Variants in FRAS1 observed in about 807,000 individuals in gnomAD.
The protein encoded by FRAS1 is extracellular matrix organizing protein FRAS1.
Under a neutral mutation model 435.2 loss-of-function variants are expected in FRAS1, and 290 were observed. That is an observed-to-expected ratio of 0.67 (90% CI 0.61 to 0.73). FRAS1 has a LOEUF of 0.73. Among genes scored for constraint, FRAS1 ranks in the 30% least tolerant of loss-of-function variants. FRAS1 has a pLI of 0.00. For missense variants in FRAS1, 4,860 were observed against 5,001.5 expected, an observed-to-expected ratio of 0.97 and a Z score of 0.85; for synonymous variants, 1,800 against 1,851.0, an observed-to-expected ratio of 0.97 and a Z score of 0.71.
rs1252881831 is a variant in FRAS1 at position 78,515,792 on chromosome 4, C to T, written c.10175-7C>T. On this transcript the variant is annotated splice_polypyrimidine_tract_variant and splice_region_variant and intron_variant, in intron 65 of 73. Coordinates refer to ENST00000512123, the MANE Select transcript of FRAS1 (RefSeq NM_025074.7). ...GTTATCGTTCCTTGTTCTTCCCTCC[C>T]TGGCAGAGGCAGGGTTCCTGGATGA... 1 of 1,613,092 alleles carries T rather than the reference C, an allele frequency of 6.2e-7. No homozygotes were observed. Among genetic ancestry groups the T allele is most frequent in the Non-Finnish European group, 8.5e-7 (1 of 1,179,606 alleles).
At chr4:78,119,319 A>G (rs1718879097) in intron 2 of FRAS1, among the ~76,000 whole-genome samples, 1 of 151,986 alleles carries the variant, frequency 6.6e-6, no homozygotes, top group Admixed American at 6.5e-5. Context: ...CCTTTAACAA[A>G]TCTCTCCCTA....
At chr4:78,210,112 C>T (rs1560582264) in intron 2 of FRAS1, among the ~76,000 whole-genome samples, 1 of 152,204 alleles carries the variant, frequency 6.6e-6, no homozygotes, top group Non-Finnish European at 1.5e-5. Flanking sequence ...TTCCACTTCA[C>T]ACCCCAGGAC....
At chr4:78,500,544 A>G (rs1496585) in intron 61 of FRAS1, among the ~76,000 whole-genome samples, 50,058 of 152,018 alleles carry the variant, frequency 0.33, 8,987 homozygotes, top group South Asian at 0.52. Context: ...GTTTCTTCAC[A>G]GAACTTTCTG....
chr4:78,176,870 A>G (rs942269002), intron 2 of FRAS1, among the ~76,000 whole-genome samples: 2 of 152,236 alleles, frequency 1.3e-5, no homozygotes, highest in African/African-American at 4.8e-5. Flanking sequence ...GGTTGAGACC[A>G]ATTAGCTAAC....
chr4:78,319,040 A>G, intron 18 of FRAS1, 54 bp downstream of exon 18: 2 of 1,566,016 alleles, frequency 1.3e-6, no homozygotes, highest in Admixed American at 3.4e-5. Flanking sequence ...CTCTTGAGAG[A>G]TCCTGTGAGG....
intron 2 of FRAS1, chr4:78,181,923 C>G (rs1315343857): frequency 1.2e-6 from 2 of 1,609,184 alleles, no homozygotes; most frequent in African/African-American, 1.3e-5. Context: ...CCACCCCTGC[C>G]GGCTTCTTTT....
chr4:78,412,624 T>TA (rs1232033423), intron 31 of FRAS1, among the ~76,000 whole-genome samples: 1 of 152,222 alleles, frequency 6.6e-6, no homozygotes, highest in Non-Finnish European at 1.5e-5. Context: ...GTATTGTAAG[T>TA]AAAAAATTAT....
chr4:78,175,119 G>A (rs1004159418), intron 2 of FRAS1, among the ~76,000 whole-genome samples: 3 of 152,186 alleles, frequency 2.0e-5, no homozygotes, highest in Non-Finnish European at 4.4e-5. Context: ...GGCCCCATCC[G>A]GACACTGCCC....
chr4:78,511,450 G>A lies in FRAS1; in HGVS notation c.9957G>A (p.Gln3319=). Residue 3319 remains glutamine, a synonymous_variant, in exon 64 of 74, where the codon CAG becomes CAA. Transcript: ENST00000512123. The stretch of plus-strand genomic sequence containing the variant: ...GGACATCCAGAGGCTTCCAGGCTCA[G>A]TCCTTCATCGCAACCTTGAAATACC... ...VAGTSRGFQA[Q]SFIATLKYLD... The A allele has an allele frequency of 6.2e-7, 1 of 1,613,948 alleles. No individual in the cohort carries two copies. Among genetic ancestry groups the A allele is most frequent in the Non-Finnish European group, 8.5e-7 (1 of 1,179,870 alleles).
In FRAS1 at chr4:78,455,230, C is replaced by G. The variant is rs147777432; in HGVS notation, c.6763+2876C>G. On this transcript the variant is annotated intron_variant, in intron 47 of 73. Transcript: ENST00000512123. The stretch of plus-strand genomic sequence containing the variant: ...AGGACTGTCTCCTTCCCTACCTCCC[C>G]GGCTCTACTAAAAATACAAAATTTA... Among the ~76,000 whole-genome samples the G allele has an allele frequency of 3.6e-4, 55 of 151,946 alleles. 1 individual carries two copies. In the East Asian group the frequency reaches 5.0e-3, roughly 14 times the overall value.
intron 20 of FRAS1, among the ~76,000 whole-genome samples, chr4:78,357,862 C>T (rs1730920553): frequency 1.3e-5 from 2 of 152,198 alleles, no homozygotes; most frequent in Admixed American, 6.5e-5. Flanking sequence ...GATTTTGCCT[C>T]TGTACTCCAG....
chr4:78,248,327 A>G (rs1725352872), intron 4 of FRAS1, among the ~76,000 whole-genome samples: 1 of 152,226 alleles, frequency 6.6e-6, no homozygotes, highest in African/African-American at 2.4e-5. Flanking sequence ...AGTTGTTTGA[A>G]TACTTTTTTT....
chr4:78,257,892 G>A (rs957543098), intron 6 of FRAS1, among the ~76,000 whole-genome samples: 1 of 152,146 alleles, frequency 6.6e-6, no homozygotes, highest in Non-Finnish European at 1.5e-5. Flanking sequence ...TGTAAACAGA[G>A]CCATAACCAT....
rs537592423 is a variant in FRAS1, at chr4:78,342,183, C to T, written c.2422+4366C>T. On this transcript the variant is annotated intron_variant, in intron 20 of 73. Transcript: ENST00000512123. ...TCTCTGCCTGCTCTTTCGTGTATGT[C>T]CAAGCGCCTCCAGGGTGGTAGGGTT... Among the ~76,000 whole-genome samples the T allele has an allele frequency of 6.6e-5, 10 of 152,286 alleles. No individual in the cohort carries two copies. The East Asian group carries it at 1.7e-3, about 26-fold the overall frequency.
chr4:78,152,694 C>A (rs868175275), intron 2 of FRAS1, among the ~76,000 whole-genome samples: 1 of 130,978 alleles, frequency 7.6e-6, no homozygotes, highest in African/African-American at 2.8e-5. Flanking sequence ...ACTTGTAGAT[C>A]ATGACAGATT....
At chr4:78,533,032 A>C (rs1721769002) in intron 70 of FRAS1, among the ~76,000 whole-genome samples, 1 of 152,102 alleles carries the variant, frequency 6.6e-6, no homozygotes, top group Admixed American at 6.5e-5. Context: ...TAATAGTTCT[A>C]TTTTTAATTT....
chr4:78,355,306 C>A (rs1410113886), intron 20 of FRAS1, among the ~76,000 whole-genome samples: 1 of 152,080 alleles, frequency 6.6e-6, no homozygotes, highest in Non-Finnish European at 1.5e-5. Context: ...GTGCTCCCCC[C>A]ACATACTTAT....
intron 64 of FRAS1, among the ~76,000 whole-genome samples, chr4:78,513,030 G>A (rs17429670): frequency 1.8e-4 from 28 of 152,218 alleles, no homozygotes; most frequent in Admixed American, 1.4e-3. Context: ...ACAGAGCAGG[G>A]GAACAGGCCC....
rs1231338791 is a variant in FRAS1 at position 78,225,983 on chromosome 4, T to A, written c.109-11527T>A. Among the ~76,000 whole-genome samples the A allele has an allele frequency of 2.0e-5, 3 of 152,340 alleles. No individual in the cohort carries two copies. The East Asian group carries it at 5.8e-4, about 29-fold the overall frequency. ...ATATTTTTCCCCTTCTTTTTGTCTT[T>A]GAATCAATCCATTATGTTTTAAATA... On this transcript the variant is annotated intron_variant, in intron 2 of 73. Transcript: ENST00000512123.
Sources: gnomAD v4.1 joint callset for allele counts (sites outside exome capture counted in the v4.1 genomes callset) on GRCh38, gnomAD v4.1.1 for gene constraint, MANE v1.5 for transcripts, NCBI Gene and HGNC (gene_info 2026-07-23, HGNC 2026-07-21) for gene names.